DOCK5: variants seen among roughly 807,000 people sequenced by gnomAD.
The protein encoded by DOCK5 is dedicator of cytokinesis protein 5.
A neutral mutation model predicts 251.8 loss-of-function variants in DOCK5; 142 were observed. The observed-to-expected ratio is 0.56, with a 90% confidence interval of 0.49 to 0.65. DOCK5 has a LOEUF of 0.65. Among genes scored for constraint, DOCK5 ranks in the 30% least tolerant of loss-of-function variants. The pLI, the probability that DOCK5 is intolerant of heterozygous loss-of-function variation, is 0.00. For missense variants in DOCK5, 2,111 were observed against 2,312.3 expected (o/e 0.91, Z 1.79); for synonymous variants, 842 against 835.5 (o/e 1.01, Z -0.13).
chr8:25,306,436 T>G (rs1030747905), intron 11 of DOCK5, among the ~76,000 whole-genome samples: 123 of 152,234 alleles, frequency 8.1e-4, no homozygotes, highest in Admixed American at 5.5e-3. Flanking sequence ...TCCGGGCGCA[T>G]AGGCTTACGC....
chr8:25,299,103 T>C lies in DOCK5; in HGVS notation c.764+2T>C, dbSNP rs774799961. 3 of 1,613,004 alleles carry C rather than the reference T, an allele frequency of 1.9e-6. No homozygotes were observed. Among genetic ancestry groups the C allele is most frequent in the Non-Finnish European group, 2.5e-6 (3 of 1,179,504 alleles). On this transcript the variant is annotated splice_donor_variant, in intron 8 of 51. Transcript: ENST00000276440. LOFTEE classifies it high-confidence loss of function. The stretch of plus-strand genomic sequence containing the variant: ...CCCAGACCAGTCCACTTTTATCAGG[T>C]AGCAGAGACCCACATCCCCTGCTGC...
In DOCK5 at chr8:25,369,519, G is replaced by T. The variant is rs539580626; in HGVS notation, c.3439-37G>T. ...GTTGGCCATGTCTTCTTCTAAGGAT[G>T]CAACATTATCCTGTGAAATTCTGCC... On this transcript the variant is annotated intron_variant, in intron 33 of 51. Transcript: ENST00000276440. 9 of 1,564,826 alleles carry T rather than the reference G, an allele frequency of 5.8e-6. No homozygotes were observed. The East Asian group carries it at 1.9e-4, about 32-fold the overall frequency.
At chr8:25,394,238 A>C (rs1217345076) in intron 44 of DOCK5, among the ~76,000 whole-genome samples, 1 of 152,218 alleles carries the variant, frequency 6.6e-6, no homozygotes, top group African/African-American at 2.4e-5. Flanking sequence ...AAGAAAAAAA[A>C]ATTAGACATT....
chr8:25,280,759 G>A (rs973850803), intron 5 of DOCK5, among the ~76,000 whole-genome samples: 1 of 152,144 alleles, frequency 6.6e-6, no homozygotes, highest in Admixed American at 6.5e-5. Context: ...CAAGGAGGAT[G>A]GAGACACTGC....
rs557380770 is a variant in DOCK5, at chr8:25,207,993, A to AT, written c.43+23044dup. Among the ~76,000 whole-genome samples the AT allele has an allele frequency of 2.0e-4, 30 of 152,346 alleles. No homozygotes were observed. In the East Asian group the frequency reaches 5.2e-3, roughly 26 times the overall value. On this transcript the variant is annotated intron_variant, in intron 1 of 51. Transcript: ENST00000276440. ...CATGGGAGGAGGTCAAAATATCAAT[A>AT]TTAGTAGGAGTGTGGAAGAAATTGA...
chr8:25,389,018 T>G (rs1461249929), intron 40 of DOCK5, 73 bp from the exon 41 acceptor site: 8 of 1,475,754 alleles, frequency 5.4e-6, no homozygotes, highest in South Asian at 1.2e-5. Context: ...AGTGGCTACC[T>G]CAGTACCCGG....
At chr8:25,335,406 A>G (rs1805780063) in intron 21 of DOCK5, among the ~76,000 whole-genome samples, 1 of 152,072 alleles carries the variant, frequency 6.6e-6, no homozygotes. Flanking sequence ...TTAAAAAATA[A>G]TAATTCGGCC....
intron 5 of DOCK5, among the ~76,000 whole-genome samples, chr8:25,286,523 C>T (rs1228104918): frequency 1.3e-5 from 2 of 152,186 alleles, no homozygotes; most frequent in African/African-American, 4.8e-5. Context: ...TCAGCCAAGC[C>T]TGTTTCCCCC....
intron 1 of DOCK5, 102 bp from the exon 2 acceptor site, chr8:25,243,572 A>G (rs1469345206): frequency 1.9e-6 from 2 of 1,066,266 alleles, no homozygotes; most frequent in Non-Finnish European, 1.4e-6. Context: ...CTCATGATCC[A>G]CCCACCTCAC....
Position 25,400,961 on chromosome 8 carries a change from T to G in DOCK5, c.4821T>G (p.His1607Gln). 6.2e-7 allele frequency: 1 copy of G among 1,613,964 alleles called. No homozygotes were observed. The highest frequency in any genetic ancestry group is 8.5e-7 in the Non-Finnish European group (1 of 1,179,868). The stretch of plus-strand genomic sequence containing the variant: ...TGCTAACAGAAGGGATCCGCATCCA[T>G]GGGGAGAAACTCACAGAGCAGCTGA... The part of the protein sequence containing the change: ...MPLLTEGIRI[H>Q]GEKLTEQLKP... Residue 1607 changes from histidine to glutamine, a missense_variant, in exon 47 of 52, where the codon CAT becomes CAG. Around this residue, in one of 3 missense-constraint regions of DOCK5, gnomAD observed 1,717 missense variants for 1,892.4 expected, o/e 0.91. Transcript: ENST00000276440.
intron 21 of DOCK5, among the ~76,000 whole-genome samples, chr8:25,334,575 G>A (rs1805757109): frequency 6.6e-6 from 1 of 152,106 alleles, no homozygotes; most frequent in Non-Finnish European, 1.5e-5. Context: ...GCCAGGTGTG[G>A]TGACACACAC....
At chr8:25,240,186 A>T (rs1035248738) in intron 1 of DOCK5, among the ~76,000 whole-genome samples, 6 of 151,978 alleles carry the variant, frequency 3.9e-5, no homozygotes, top group African/African-American at 1.5e-4. Flanking sequence ...TGTCAAGTCC[A>T]TGGCTAGAGC....
chr8:25,317,916 T>C (rs1805301825), intron 14 of DOCK5, among the ~76,000 whole-genome samples: 1 of 152,090 alleles, frequency 6.6e-6, no homozygotes, highest in South Asian at 2.1e-4. Context: ...CAGCCTACTC[T>C]TTAGTTTTAA....
In DOCK5 at chr8:25,414,124, CTCTT is replaced by C. The variant is rs1314913711; in HGVS notation, c.*2832_*2835del. On this transcript the variant is annotated 3_prime_UTR_variant, in exon 52 of 52. Transcript: ENST00000276440. The stretch of plus-strand genomic sequence containing the variant: ...AGGTGTTTTTAAATCTTTATTTCCT[CTCTT>C]TCTTTGTTCTAGTGACTTGTCTTGC... 2 of 152,134 alleles carry C rather than the reference CTCTT, an allele frequency of 1.3e-5. No individual in the cohort carries two copies. Among genetic ancestry groups the C allele is most frequent in the Admixed American group, 6.5e-5 (1 of 15,278 alleles). 9.4% of individuals were successfully genotyped at this position (152,134 alleles called of 1,614,324 possible).
Position 25,302,375 on chromosome 8 carries a change from G to C in DOCK5, c.897G>C (p.Gln299His). The change falls in exon 10 of 52, where the codon CAG becomes CAC. Residue 299 changes from glutamine (Q) to histidine (H), a missense_variant. By Grantham distance (24) the Gln-to-His change is conservative (BLOSUM62 0). Transcript: ENST00000276440. ...LIRPRVSLVC[Q>H]IVRVGHMELK... is the part of the protein sequence containing the mutation. ...GGCCCCGCGTCAGCCTTGTGTGCCAGATTGTCCGCGTGGGCCATATGGAGC... is the reference window on the plus strand; with the variant it reads ...GGCCCCGCGTCAGCCTTGTGTGCCACATTGTCCGCGTGGGCCATATGGAGC... 6.2e-7 allele frequency: 1 copy of C among 1,612,524 alleles called. No homozygotes were observed. Among genetic ancestry groups the C allele is most frequent in the African/African-American group, 1.3e-5 (1 of 75,052 alleles).
At chr8:25,372,815 C>A in intron 35 of DOCK5, 97 bp downstream of exon 35, 1 of 1,225,288 alleles carries the variant, frequency 8.2e-7, no homozygotes, top group Non-Finnish European at 1.1e-6. Flanking sequence ...CACAGAGGCG[C>A]CCTGAGGCAC....
chr8:25,297,896 T>G (rs189704929), intron 7 of DOCK5, among the ~76,000 whole-genome samples: 1 of 151,664 alleles, frequency 6.6e-6, no homozygotes, highest in Admixed American at 6.6e-5. Flanking sequence ...CTACAAAAAA[T>G]TTTTTAAAAA....
At chr8:25,292,957 T>G (rs1804532585) in intron 6 of DOCK5, among the ~76,000 whole-genome samples, 1 of 152,216 alleles carries the variant, frequency 6.6e-6, no homozygotes, top group Admixed American at 6.5e-5. Context: ...TGTAGCCTGT[T>G]GATTATGGCT....
At chr8:25,329,508 G>A (rs1438826147) in intron 18 of DOCK5, among the ~76,000 whole-genome samples, 1 of 152,118 alleles carries the variant, frequency 6.6e-6, no homozygotes, top group African/African-American at 2.4e-5. Flanking sequence ...GTGAAATCAT[G>A]TAACTTGCGC....
Sources: gnomAD v4.1 joint callset for allele counts (sites outside exome capture counted in the v4.1 genomes callset) on GRCh38, gnomAD v4.1.1 for gene constraint, gnomAD v4.1.1 regional missense constraint, MANE v1.5 for transcripts, NCBI Gene and HGNC (gene_info 2026-07-23, HGNC 2026-07-21) for gene names.